The following RBFOX1 variants were observed in gnomAD, a reference collection of about 807,000 sequenced individuals.
RBFOX1 encodes the protein RNA binding fox-1 homolog 1.
A neutral mutation model predicts 57.7 loss-of-function variants in RBFOX1; 8 were observed. The observed-to-expected ratio is 0.14, with a 90% CI of 0.08 to 0.25. RBFOX1 has a LOEUF of 0.25. Ranked by LOEUF, RBFOX1 falls within the 10% of genes least tolerant of loss-of-function variation. The pLI is 1.00. For missense variants in RBFOX1, 611 were observed against 548.5 expected (o/e 1.11, Z -1.14); for synonymous variants, 326 against 222.4 (o/e 1.47, Z -4.15).
At chr16:6,633,265 T>A (rs943243144) in intron 2 of RBFOX1, among the ~76,000 whole-genome samples, 1 of 152,090 alleles carries the variant, frequency 6.6e-6, no homozygotes, top group Admixed American at 6.5e-5. Context: ...GAAAGTGTTC[T>A]TGAGTCTTTA....
intron 4 of RBFOX1, among the ~76,000 whole-genome samples, chr16:7,226,549 A>G (rs937691738): frequency 4.6e-5 from 7 of 152,264 alleles, no homozygotes; most frequent in African/African-American, 9.6e-5. Context: ...AATTCTCTCA[A>G]TGGTGCCTCC....
At chr16:6,174,219 G>A (rs1567613603) in intron 1 of RBFOX1, among the ~76,000 whole-genome samples, 3 of 152,166 alleles carry the variant, frequency 2.0e-5, no homozygotes, top group Non-Finnish European at 2.9e-5. Context: ...ACTGAGTGGT[G>A]GAGAGGAGGC....
chr16:5,900,213 G>A (rs1413739666), intron 4 of RBFOX1, among the ~76,000 whole-genome samples: 2 of 152,240 alleles, frequency 1.3e-5, no homozygotes, highest in Non-Finnish European at 2.9e-5. Flanking sequence ...TGGGGCCAAT[G>A]TGGGAGATCC....
chr16:6,779,807 TTA>T lies in RBFOX1; in HGVS notation c.-16+125167_-16+125168del, dbSNP rs1491405791. 7.5e-3 allele frequency among the ~76,000 whole-genome samples: 85 copies of T among 11,266 alleles called. 28 individuals are homozygous for T. The highest frequency in any genetic ancestry group is 0.033 in the African/African-American group (81 of 2,472). The allele number at this position is 11,266 out of a possible 152,430, so 7.4% of individuals were successfully genotyped here. ...TATTTTTATATATACTTTTATATAT[TTA>T]TATATATATTTATATATATTTTTAT... On this transcript the variant is annotated intron_variant, in intron 3 of 15. Coordinates refer to ENST00000550418, the MANE Select transcript of RBFOX1 (RefSeq NM_018723.4).
chr16:6,978,061 C>T (rs1181858985), intron 3 of RBFOX1, among the ~76,000 whole-genome samples: 2 of 152,000 alleles, frequency 1.3e-5, no homozygotes, highest in East Asian at 2.0e-4. Context: ...TAACCTGCCC[C>T]GTACCCCGCC....
chr16:5,951,573 C>T (rs529292268), intron 4 of RBFOX1, among the ~76,000 whole-genome samples: 1 of 151,896 alleles, frequency 6.6e-6, no homozygotes, highest in South Asian at 2.1e-4. Context: ...GTTGAGTTTG[C>T]TGGTTATATG....
chr16:6,909,663 G>C (rs1236958478), intron 3 of RBFOX1, among the ~76,000 whole-genome samples: 1 of 152,220 alleles, frequency 6.6e-6, no homozygotes, highest in East Asian at 1.9e-4. Flanking sequence ...AGTGAGGATA[G>C]AGAAGTCGGA....
intron 2 of RBFOX1, among the ~76,000 whole-genome samples, chr16:5,590,865 G>T (rs553130583): frequency 4.6e-5 from 7 of 152,174 alleles, no homozygotes; most frequent in Non-Finnish European, 1.0e-4. Context: ...AACAGGAGGG[G>T]TACTGGTGGC....
intron 14 of RBFOX1, among the ~76,000 whole-genome samples, chr16:7,695,835 A>G (rs765936285): frequency 3.3e-5 from 5 of 152,104 alleles, no homozygotes; most frequent in Non-Finnish European, 5.9e-5. Flanking sequence ...AGAAAAAAAA[A>G]TCAACATGCT....
chr16:6,248,327 G>T (rs2097581329), intron 1 of RBFOX1, among the ~76,000 whole-genome samples: 1 of 152,122 alleles, frequency 6.6e-6, no homozygotes, highest in African/African-American at 2.4e-5. Context: ...TGGATAATGG[G>T]CATTTCTAGT....
At chr16:5,591,824 A>G (rs565074267) in intron 2 of RBFOX1, among the ~76,000 whole-genome samples, 55 of 152,336 alleles carry the variant, frequency 3.6e-4, no homozygotes, top group Non-Finnish European at 6.8e-4. Context: ...AAAGGCTTCC[A>G]TGAATATCCT....
intron 1 of RBFOX1, among the ~76,000 whole-genome samples, chr16:5,448,394 A>T (rs1427351632): frequency 1.3e-5 from 2 of 152,258 alleles, no homozygotes; most frequent in African/African-American, 2.4e-5. Flanking sequence ...ACATTATGCC[A>T]CAAAATAGGG....
intron 1 of RBFOX1, among the ~76,000 whole-genome samples, chr16:6,027,152 T>C (rs1356605003): frequency 6.6e-6 from 1 of 152,212 alleles, no homozygotes; most frequent in African/African-American, 2.4e-5. Context: ...AATTGTCTTC[T>C]TTGTACCATG....
intron 2 of RBFOX1, among the ~76,000 whole-genome samples, chr16:5,497,167 T>A (rs2043026816): frequency 6.6e-6 from 1 of 152,254 alleles, no homozygotes; most frequent in South Asian, 2.1e-4. Flanking sequence ...GCTGGGATGG[T>A]AATTTTCAGC....
rs112466971 is a variant in RBFOX1 at position 5,507,571 on chromosome 16, A to G, written c.258+40317A>G. 3.9e-5 allele frequency among the ~76,000 whole-genome samples: 6 copies of G among 152,284 alleles called. No homozygotes were observed. The South Asian group carries it at 8.3e-4, about 21-fold the overall frequency. On this transcript the variant is annotated intron_variant, in intron 2 of 2. Transcript: ENST00000585867. ...GTTGAATTGTGTCCCCCACCACAAG[A>G]TATGTTGAAGTCCTAACCCTTCATG...
intron 3 of RBFOX1, among the ~76,000 whole-genome samples, chr16:6,656,975 C>A: frequency 8.9e-6 from 1 of 112,952 alleles, no homozygotes; most frequent in East Asian, 3.5e-4. Context: ...CTCCTCTCCT[C>A]CCCTTTCCTC....
At chr16:6,680,356 G>A (rs1434410666) in intron 3 of RBFOX1, among the ~76,000 whole-genome samples, 3 of 143,722 alleles carry the variant, frequency 2.1e-5, no homozygotes, top group Non-Finnish European at 1.5e-5. Context: ...TCCGCCTCCC[G>A]GGTTCACGCC....
chr16:7,046,487 T>C (rs1188093770), intron 3 of RBFOX1, among the ~76,000 whole-genome samples: 2 of 152,138 alleles, frequency 1.3e-5, no homozygotes, highest in Non-Finnish European at 2.9e-5. Flanking sequence ...AAATATCAAG[T>C]TCAATACGTT....
At chr16:7,311,895 A>G (rs374490195) in intron 4 of RBFOX1, among the ~76,000 whole-genome samples, 2 of 152,224 alleles carry the variant, frequency 1.3e-5, no homozygotes, top group African/African-American at 2.4e-5. Flanking sequence ...CTGTTATTCA[A>G]TTAGCTGATC....
Sources: gnomAD v4.1 joint callset for allele counts (sites outside exome capture counted in the v4.1 genomes callset) on GRCh38, gnomAD v4.1.1 for gene constraint, MANE v1.5 for transcripts, NCBI Gene and HGNC (gene_info 2026-07-23, HGNC 2026-07-21) for gene names.